Variants in SDK1 observed in about 807,000 individuals in gnomAD.
SDK1 encodes the protein protein sidekick-1.
SDK1 carries 157 observed loss-of-function variants against 245.5 expected under a neutral mutation model. That is an observed-to-expected ratio of 0.64 (90% confidence interval 0.56 to 0.73). SDK1 has a LOEUF of 0.73. Ranked by LOEUF, SDK1 falls within the 30% of genes least tolerant of loss-of-function variation. The pLI is 0.00. For synonymous variants in SDK1, 1,647 were observed against 1,278.5 expected, an observed-to-expected ratio of 1.29 and a Z score of -6.15; for missense variants, 3,583 against 3,002.3, an observed-to-expected ratio of 1.19 and a Z score of -4.52.
intron 22 of SDK1, among the ~76,000 whole-genome samples, chr7:4,090,450 C>G (rs1781714055): frequency 1.3e-5 from 2 of 152,156 alleles, no homozygotes; most frequent in Admixed American, 1.3e-4. Context: ...TCAGTGTGGA[C>G]TCATGACTTT....
At chr7:4,012,037 G>T in intron 15 of SDK1, 58 bp from the exon 16 acceptor site, 1 of 1,324,564 alleles carries the variant, frequency 7.5e-7, no homozygotes. Flanking sequence ...AAATGCAAAT[G>T]GGCCCCCGCT....
chr7:4,068,327 A>C (rs547556952), intron 20 of SDK1, among the ~76,000 whole-genome samples: 13 of 152,316 alleles, frequency 8.5e-5, no homozygotes, highest in Middle Eastern at 3.4e-3. Context: ...ACAGATGAGG[A>C]AACTGAGGCC....
At chr7:3,588,710 G>C (rs1018827737) in intron 1 of SDK1, among the ~76,000 whole-genome samples, 2 of 152,178 alleles carry the variant, frequency 1.3e-5, no homozygotes, top group African/African-American at 4.8e-5. Flanking sequence ...ATCAACATCT[G>C]TATTGGGTTG....
chr7:4,190,338 G>C (rs1405761125), intron 35 of SDK1, among the ~76,000 whole-genome samples: 1 of 151,902 alleles, frequency 6.6e-6, no homozygotes, highest in Non-Finnish European at 1.5e-5. Context: ...CTGTCTACAC[G>C]GTCCTGGATG....
At chr7:3,330,260 G>A (rs1250231549) in intron 1 of SDK1, among the ~76,000 whole-genome samples, 1 of 152,186 alleles carries the variant, frequency 6.6e-6, no homozygotes, top group Non-Finnish European at 1.5e-5. Context: ...TTGATGAACT[G>A]CTAGTTTCCT....
At position 4,144,229 on chromosome 7, in the gene SDK1, A is replaced by G. The variant is rs1023466159; in HGVS notation, c.4229-1493A>G. ...GACTGGGAAGGAACAGGAGTCTAGC[A>G]GGGACACCCTTGCCAGAGACCTGAG... is the stretch of plus-strand genomic sequence containing the variant. On this transcript the variant is annotated intron_variant, in intron 28 of 44. Coordinates refer to ENST00000404826, the MANE Select transcript of SDK1 (RefSeq NM_152744.4). Among the ~76,000 whole-genome samples the G allele has an allele frequency of 5.3e-5, 8 of 152,138 alleles. No homozygotes were observed. In the East Asian group the frequency reaches 1.5e-3, roughly 29 times the overall value.
rs1466450168 is a variant in SDK1 at position 4,173,571 on chromosome 7, G to A, written c.4801-651G>A. ...GGAGTCTAATGTGTGTCTAATGAGCGCCTAGCCATGGCTTGGTAAGAACTG... is the reference window on the plus strand; with the variant it reads ...GGAGTCTAATGTGTGTCTAATGAGCACCTAGCCATGGCTTGGTAAGAACTG... On this transcript the variant is annotated intron_variant, in intron 32 of 44. Transcript: ENST00000404826. 2.6e-5 allele frequency among the ~76,000 whole-genome samples: 4 copies of A among 152,334 alleles called. 1 individual carries two copies. Among genetic ancestry groups the A allele is most frequent in the African/African-American group, 4.8e-5 (2 of 41,590 alleles).
intron 1 of SDK1, among the ~76,000 whole-genome samples, chr7:3,474,319 C>T (rs1781281304): frequency 6.6e-6 from 1 of 151,756 alleles, no homozygotes; most frequent in South Asian, 2.1e-4. Context: ...TGGTCTCGGT[C>T]TCTTGACCTC....
chr7:3,953,285 A>C (rs909167638), intron 7 of SDK1, among the ~76,000 whole-genome samples: 1 of 152,178 alleles, frequency 6.6e-6, no homozygotes, highest in Non-Finnish European at 1.5e-5. Flanking sequence ...AAATGACTCC[A>C]TGTCCTGACC....
At chr7:3,468,909 G>T (rs1583904064) in intron 1 of SDK1, among the ~76,000 whole-genome samples, 1 of 152,114 alleles carries the variant, frequency 6.6e-6, no homozygotes, top group East Asian at 1.9e-4. Flanking sequence ...CCTTCAGAGG[G>T]TGAAGGGGGT....
rs140437800 is a variant in SDK1 at position 3,317,245 on chromosome 7, A to G, written c.298+15361A>G. ...GAGTGCTTAATAAACATTGCTAGCA[A>G]TTTCGAATCCTATTTTACATAAAAG... On this transcript the variant is annotated intron_variant, in intron 1 of 44. Transcript: ENST00000404826. Among the ~76,000 whole-genome samples the G allele has an allele frequency of 1.3e-3, 197 of 151,222 alleles. 1 individual carries two copies. Among genetic ancestry groups the G allele is most frequent in the African/African-American group, 4.7e-3 (192 of 41,246 alleles).
Position 4,067,887 on chromosome 7 carries a change from T to C in SDK1, c.2961T>C (p.Ser987=), listed in dbSNP as rs768317022. 1 of 1,613,512 alleles carries C rather than the reference T, an allele frequency of 6.2e-7. No individual in the cohort carries two copies. The highest frequency in any genetic ancestry group is 1.1e-5 in the South Asian group (1 of 90,750). The change falls in exon 20 of 45, where the codon TCT becomes TCC. Residue 987 remains serine (S), a synonymous_variant. Coordinates refer to ENST00000404826, the MANE Select transcript of SDK1 (RefSeq NM_152744.4). ...GTTTCACAGAGATCTTGGACACATC[T>C]CTCAAGGTCAGCTGGCAGGAGCCCC... ...HLSFTEILDT[S]LKVSWQEPLE...
At chr7:3,901,666 C>G (rs1781794864) in intron 5 of SDK1, among the ~76,000 whole-genome samples, 1 of 152,178 alleles carries the variant, frequency 6.6e-6, no homozygotes, top group Non-Finnish European at 1.5e-5. Flanking sequence ...TACCTTGAAA[C>G]TATGGGACTA....
chr7:3,507,925 C>T (rs903892016), intron 1 of SDK1, among the ~76,000 whole-genome samples: 3 of 152,206 alleles, frequency 2.0e-5, no homozygotes, highest in African/African-American at 4.8e-5. Context: ...TGGTTTAAAC[C>T]TATCTCGGTC....
At chr7:3,918,216 AC>A (rs966619890) in intron 5 of SDK1, among the ~76,000 whole-genome samples, 6 of 151,670 alleles carry the variant, frequency 4.0e-5, no homozygotes, top group Non-Finnish European at 5.9e-5. Context: ...GGGGTTCCCA[AC>A]CCCCCCAGCC....
At chr7:3,355,253 G>T (rs1203856536) in intron 1 of SDK1, among the ~76,000 whole-genome samples, 2 of 152,178 alleles carry the variant, frequency 1.3e-5, no homozygotes, top group African/African-American at 4.8e-5. Context: ...CGTAGATTAT[G>T]GAGTTACTTT....
intron 4 of SDK1, among the ~76,000 whole-genome samples, chr7:3,804,670 T>C (rs1021900672): frequency 1.3e-5 from 2 of 152,240 alleles, no homozygotes; most frequent in Non-Finnish European, 1.5e-5. Context: ...ATCTTTACTT[T>C]GTTGTGTTTT....
intron 1 of SDK1, among the ~76,000 whole-genome samples, chr7:3,443,634 A>G (rs1222236078): frequency 6.6e-6 from 1 of 152,208 alleles, no homozygotes; most frequent in African/African-American, 2.4e-5. Flanking sequence ...TTGGAGCCAC[A>G]CTAGCCTCCA....
chr7:3,328,003 C>T (rs998185762), intron 1 of SDK1, among the ~76,000 whole-genome samples: 68 of 152,194 alleles, frequency 4.5e-4, no homozygotes, highest in African/African-American at 1.6e-3. Flanking sequence ...CTGTTTGTCC[C>T]TCTGGAGGCT....
Sources: gnomAD v4.1 joint callset for allele counts (sites outside exome capture counted in the v4.1 genomes callset) on GRCh38, gnomAD v4.1.1 for gene constraint, MANE v1.5 for transcripts, NCBI Gene and HGNC (gene_info 2026-07-23, HGNC 2026-07-21) for gene names.